The following TOP3A variants were observed in gnomAD, a reference collection of about 807,000 sequenced individuals.
TOP3A encodes the protein DNA topoisomerase 3-alpha.
A neutral mutation model predicts 111.3 loss-of-function variants in TOP3A; 64 were observed. That is an observed-to-expected ratio of 0.57 (90% CI 0.47 to 0.71). The LOEUF (loss-of-function observed/expected upper bound fraction) is 0.71. TOP3A is among the 30% of genes least tolerant of loss of function. The probability of loss-of-function intolerance (pLI) is 0.00; values close to 1 mark genes in which losing one functional copy is unlikely to be tolerated. For synonymous variants in TOP3A, 484 were observed against 485.1 expected, an observed-to-expected ratio of 1.00 and a Z score of 0.03; for missense variants, 1,104 against 1,285.0, an observed-to-expected ratio of 0.86 and a Z score of 2.15.
At chr17:18,310,670 GA>G (rs1482877002) in intron 1 of TOP3A, among the ~76,000 whole-genome samples, 1 of 151,560 alleles carries the variant, frequency 6.6e-6, no homozygotes, top group South Asian at 2.1e-4. Flanking sequence ...CTCTTGGGGT[GA>G]AAAAAAACCT....
At position 18,301,170 on chromosome 17, in the gene TOP3A, ACT is replaced by A. The variant is rs1981202567; in HGVS notation, c.915+713_915+714del. On this transcript the variant is annotated intron_variant, in intron 8 of 18. Coordinates refer to ENST00000321105, the MANE Select transcript of TOP3A (RefSeq NM_004618.5). ...GAGCTCGGAATTTTACTTAAGCATG[ACT>A]CTGTGCAGCCCCTGGGTTAAACCAG... is the stretch of plus-strand genomic sequence containing the variant. Among the ~76,000 whole-genome samples the A allele has an allele frequency of 2.0e-5, 3 of 152,218 alleles. No individual in the cohort carries two copies. In the East Asian group the frequency reaches 5.8e-4, roughly 29 times the overall value.
intron 11 of TOP3A, among the ~76,000 whole-genome samples, chr17:18,291,741 A>T (rs1472764984): frequency 1.3e-5 from 2 of 151,788 alleles, no homozygotes; most frequent in Non-Finnish European, 2.9e-5. Context: ...TCCGAGACAG[A>T]GTCTCACTCT....
chr17:18,287,557 A>G (rs1402770732), intron 13 of TOP3A, among the ~76,000 whole-genome samples: 1 of 151,884 alleles, frequency 6.6e-6, no homozygotes, highest in African/African-American at 2.4e-5. Flanking sequence ...CAAAAAACCC[A>G]ACAAAAAAAT....
chr17:18,311,417 G>C (rs1391627283), intron 1 of TOP3A, among the ~76,000 whole-genome samples: 1 of 151,944 alleles, frequency 6.6e-6, no homozygotes, highest in Admixed American at 6.6e-5. Context: ...CCTCAGCCTC[G>C]TGAGTAGCTG....
At position 18,273,274 on chromosome 17, in the gene TOP3A, G is replaced by A. The variant is rs556190843; in HGVS notation, c.*1528C>T. 3 of 152,372 alleles carry A rather than the reference G, an allele frequency of 2.0e-5. No individual in the cohort carries two copies. In the South Asian group the frequency reaches 6.2e-4, roughly 32 times the overall value. The allele number at this position is 152,372 out of a possible 1,614,324, so 9.4% of individuals were successfully genotyped here. A position where few individuals can be genotyped will look rare whatever the true frequency, so the allele number is the denominator to read the frequency against. ...CTCATCTTCTAAACTGTAAATCAGA[G>A]TCCATATGGCTTGTATTATTCACAA... On this transcript the variant is annotated 3_prime_UTR_variant, in exon 19 of 19. Transcript: ENST00000321105.
At chr17:18,284,308 G>A (rs1979957441) in intron 15 of TOP3A, among the ~76,000 whole-genome samples, 1 of 151,846 alleles carries the variant, frequency 6.6e-6, no homozygotes, top group South Asian at 2.1e-4. Context: ...CACCGTGCCT[G>A]ACCCTTGTTT....
At position 18,285,070 on chromosome 17, in the gene TOP3A, CTT is replaced by C. The variant is rs745631782; in HGVS notation, c.1877+70_1877+71del. ...TTGGGAGGCTGAGGTGGGAAGATCT[CTT>C]GAGGCCAGGAGTTCAAGACCAGCCT... On this transcript the variant is annotated intron_variant, in intron 15 of 18. Transcript: ENST00000321105. The C allele has an allele frequency of 2.1e-4, 327 of 1,561,130 alleles. 1 individual carries two copies. Among genetic ancestry groups the C allele is most frequent in the Non-Finnish European group, 2.7e-4 (315 of 1,148,388 alleles).
intron 8 of TOP3A, among the ~76,000 whole-genome samples, chr17:18,300,539 ACTTT>A (rs1981164044): frequency 6.6e-6 from 1 of 151,942 alleles, no homozygotes; most frequent in African/African-American, 2.4e-5. Context: ...TTTATTACTT[ACTTT>A]TATATTTTAT....
At chr17:18,312,343 T>G (rs1307858654) in intron 1 of TOP3A, 1 of 152,588 alleles carries the variant, frequency 6.6e-6, no homozygotes, top group Non-Finnish European at 1.5e-5. Flanking sequence ...GTAGAGAGCA[T>G]GAAGGGTCAG....
At chr17:18,292,939 C>A in intron 10 of TOP3A, 87 bp from the exon 11 acceptor site, 3 of 1,293,654 alleles carry the variant, frequency 2.3e-6, no homozygotes, top group Non-Finnish European at 3.2e-6. Flanking sequence ...CTAACACCTG[C>A]AAACACTCAT....
chr17:18,309,709 C>CT (rs749580212), intron 1 of TOP3A, among the ~76,000 whole-genome samples: 3,658 of 128,762 alleles, frequency 0.028, 191 homozygotes, highest in African/African-American at 0.08. Context: ...TATAGAAGTT[C>CT]TTTTTTTTTT....
chr17:18,299,688 C>A, intron 8 of TOP3A, 55 bp from the exon 9 acceptor site: 1 of 1,498,704 alleles, frequency 6.7e-7, no homozygotes, highest in Non-Finnish European at 9.3e-7. Context: ...TCATCTCCAT[C>A]CTTCCTATGG....
chr17:18,290,480 A>G, intron 13 of TOP3A, 77 bp downstream of exon 13: 1 of 1,401,218 alleles, frequency 7.1e-7, no homozygotes, highest in Non-Finnish European at 9.4e-7. Flanking sequence ...AATGGTTTGA[A>G]GACTAGAGGA....
intron 3 of TOP3A, 130 bp from the exon 4 acceptor site, chr17:18,307,096 A>G (rs972170877): frequency 1.6e-6 from 1 of 639,414 alleles, no homozygotes; most frequent in Non-Finnish European, 2.7e-6. Context: ...AATTGAAAGT[A>G]AGGCTATGAC....
Position 18,285,437 on chromosome 17 carries a change from G to A in TOP3A, c.1681C>T (p.Pro561Ser), listed in dbSNP as rs1369721951. ...ACAAGTCCCATGCCCAGGTGCCCAG[G>A]GAGGAACCGCTTGTCTGGGGTGAGG... is the stretch of plus-strand genomic sequence containing the variant. ...VGLTPDKRFL[P>S]GHLGMGLVEG... Residue 561 changes from proline to serine, a missense_variant, in exon 14 of 19, where the codon CCT becomes TCT. Transcript: ENST00000321105. The A allele has an allele frequency of 6.2e-7, 1 of 1,613,928 alleles. No individual in the cohort carries two copies. Among genetic ancestry groups the A allele is most frequent in the Non-Finnish European group, 8.5e-7 (1 of 1,180,006 alleles).
intron 5 of TOP3A, among the ~76,000 whole-genome samples, chr17:18,304,598 G>A (rs1331901445): frequency 6.6e-6 from 1 of 152,044 alleles, no homozygotes; most frequent in Non-Finnish European, 1.5e-5. Context: ...TGTATAATAT[G>A]AGAGATTAAA....
intron 1 of TOP3A, chr17:18,313,198 C>T (rs933827336): frequency 1.3e-5 from 2 of 152,954 alleles, no homozygotes; most frequent in African/African-American, 4.8e-5. Flanking sequence ...TTGAGGACTT[C>T]GTGAGAATGC....
intron 3 of TOP3A, among the ~76,000 whole-genome samples, chr17:18,307,909 CAAA>C (rs146925164): frequency 1.3e-4 from 9 of 68,388 alleles, no homozygotes; most frequent in Admixed American, 1.8e-4. Context: ...GACCCTGACT[CAAA>C]AAAAAAAAAA....
In TOP3A at chr17:18,292,666, G is replaced by T. The variant is rs776172100; in HGVS notation, c.1260C>A (p.Thr420=). 19 of 1,581,718 alleles carry T rather than the reference G, an allele frequency of 1.2e-5. No homozygotes were observed. In the Admixed American group the frequency reaches 2.8e-4, roughly 23 times the overall value. ...SDQAHPPIHP[T]KYTNNLQGDE... ...CAACCTGTAAGTTGTTGGTGTATTT[G>T]GTGGGGTGAATGGGAGGGTGAGCTT... is the stretch of plus-strand genomic sequence containing the variant. Residue 420 remains threonine, a synonymous_variant, in exon 11 of 19, where the codon ACC becomes ACA. Coordinates refer to ENST00000321105, the MANE Select transcript of TOP3A (RefSeq NM_004618.5).
Sources: gnomAD v4.1 joint callset for allele counts (sites outside exome capture counted in the v4.1 genomes callset) on GRCh38, gnomAD v4.1.1 for gene constraint, MANE v1.5 for transcripts, NCBI Gene and HGNC (gene_info 2026-07-23, HGNC 2026-07-21) for gene names.